PKIB: variants seen among roughly 807,000 people sequenced by gnomAD.
PKIB encodes PKI-beta.
A neutral mutation model predicts 4.5 loss-of-function variants in PKIB; 2 were observed. The observed-to-expected ratio is 0.44, with a 90% CI of 0.18 to 1.39. The LOEUF (loss-of-function observed/expected upper bound fraction) is 1.39, where lower values mean the gene tolerates loss of function less well. Among genes scored for constraint, PKIB ranks in the 40% most tolerant of loss-of-function variants. The pLI, the probability that PKIB is intolerant of heterozygous loss-of-function variation, is 0.27. For missense variants in PKIB, 94 were observed against 92.6 expected (o/e 1.02, Z -0.06); for synonymous variants, 38 against 36.0 (o/e 1.06, Z -0.20).
intron 2 of PKIB, among the ~76,000 whole-genome samples, chr6:122,674,220 A>G (rs1234733821): frequency 6.6e-6 from 1 of 152,186 alleles, no homozygotes; most frequent in African/African-American, 2.4e-5. Flanking sequence ...ATAAGGGTTA[A>G]TTGTAGAATG....
chr6:122,705,564 C>CTTTTT (rs142542177), intron 3 of PKIB, among the ~76,000 whole-genome samples: 53 of 113,388 alleles, frequency 4.7e-4, no homozygotes, highest in East Asian at 2.2e-3. Flanking sequence ...GAAAGCGCAT[C>CTTTTT]TTTTTTTTTT....
At chr6:122,579,945 A>G (rs1265514691) in intron 2 of PKIB, among the ~76,000 whole-genome samples, 1 of 152,200 alleles carries the variant, frequency 6.6e-6, no homozygotes, top group Non-Finnish European at 1.5e-5. Context: ...ATAGATACAT[A>G]TTGTAGTTAG....
intron 2 of PKIB, among the ~76,000 whole-genome samples, chr6:122,525,136 G>A (rs1480673872): frequency 6.6e-6 from 1 of 151,226 alleles, no homozygotes; most frequent in Non-Finnish European, 1.5e-5. Flanking sequence ...CATAAATTTT[G>A]GTATGTTGTA....
intron 2 of PKIB, among the ~76,000 whole-genome samples, chr6:122,534,608 C>T (rs1490382623): frequency 1.3e-5 from 2 of 152,114 alleles, no homozygotes; most frequent in East Asian, 3.9e-4. Context: ...AAAAGACTTA[C>T]ACTGGTTCAT....
chr6:122,622,758 A>T (rs1424276426), intron 1 of PKIB, among the ~76,000 whole-genome samples: 1 of 152,220 alleles, frequency 6.6e-6, no homozygotes, highest in African/African-American at 2.4e-5. Flanking sequence ...GGTGCCAAAC[A>T]TCCCCACAGG....
At chr6:122,657,188 A>G (rs1776806178) in intron 2 of PKIB, among the ~76,000 whole-genome samples, 1 of 152,312 alleles carries the variant, frequency 6.6e-6, no homozygotes, top group Non-Finnish European at 1.5e-5. Context: ...CCAGTTGTTC[A>G]ATAAACATTT....
intron 3 of PKIB, among the ~76,000 whole-genome samples, chr6:122,690,915 G>GATATATATATATATAT (rs55770226): frequency 1.2e-5 from 1 of 84,938 alleles, no homozygotes; most frequent in African/African-American, 3.6e-5. Flanking sequence ...ATGCTTGAAG[G>GATATATATATATATAT]ATATATATAT....
chr6:122,505,946 A>G (rs1263542554), intron 2 of PKIB, among the ~76,000 whole-genome samples: 1 of 152,102 alleles, frequency 6.6e-6, no homozygotes, highest in East Asian at 1.9e-4. Flanking sequence ...TCAATTATTG[A>G]CATATTTTGT....
At chr6:122,683,509 A>G (rs539167363) in intron 3 of PKIB, among the ~76,000 whole-genome samples, 12 of 152,302 alleles carry the variant, frequency 7.9e-5, no homozygotes, top group Admixed American at 6.5e-4. Flanking sequence ...ATTGAGGATT[A>G]CAATTCAGCA....
chr6:122,520,671 C>CG (rs1343209770), intron 2 of PKIB, among the ~76,000 whole-genome samples: 1 of 129,706 alleles, frequency 7.7e-6, no homozygotes, highest in Admixed American at 8.2e-5. Flanking sequence ...TCCCACCCCC[C>CG]CCCCACCAAA....
At chr6:122,712,017 CAA>C (rs1180809431) in intron 3 of PKIB, among the ~76,000 whole-genome samples, 2 of 152,000 alleles carry the variant, frequency 1.3e-5, no homozygotes, top group East Asian at 3.9e-4. Flanking sequence ...TGAAAAATTT[CAA>C]AGACAGGAAA....
chr6:122,545,574 C>G (rs72962423), intron 2 of PKIB, among the ~76,000 whole-genome samples: 16,358 of 149,718 alleles, frequency 0.11, 1,007 homozygotes, highest in East Asian at 0.22. Context: ...AGGTAGTTTT[C>G]CAGTCTTCAT....
chr6:122,618,542 T>C (rs1178979222), intron 1 of PKIB, among the ~76,000 whole-genome samples: 3 of 152,120 alleles, frequency 2.0e-5, no homozygotes, highest in Non-Finnish European at 4.4e-5. Context: ...AAGGTCTATT[T>C]ATATTTGATT....
At chr6:122,717,629 G>A in intron 3 of PKIB, 158 bp from the exon 4 acceptor site, 1 of 698,090 alleles carries the variant, frequency 1.4e-6, no homozygotes, top group South Asian at 2.1e-5. Context: ...GCAAATGGAT[G>A]CTGCAGGACC....
intron 2 of PKIB, among the ~76,000 whole-genome samples, chr6:122,545,388 A>G (rs1772461412): frequency 6.6e-6 from 1 of 151,978 alleles, no homozygotes; most frequent in Non-Finnish European, 1.5e-5. Context: ...TAATGCAGCA[A>G]CAGACAACCA....
intron 2 of PKIB, among the ~76,000 whole-genome samples, chr6:122,648,675 A>G (rs1030565248): frequency 1.3e-5 from 2 of 152,236 alleles, no homozygotes; most frequent in African/African-American, 2.4e-5. Flanking sequence ...CAGAAACTTT[A>G]CATGAGGGAG....
At chr6:122,576,941 A>G (rs892005872) in intron 2 of PKIB, among the ~76,000 whole-genome samples, 4 of 152,032 alleles carry the variant, frequency 2.6e-5, no homozygotes, top group Non-Finnish European at 5.9e-5. Context: ...GTGGATCTAA[A>G]GAATTCCTAG....
At chr6:122,696,338 G>A (rs1193451292) in intron 3 of PKIB, among the ~76,000 whole-genome samples, 3 of 152,182 alleles carry the variant, frequency 2.0e-5, no homozygotes, top group Non-Finnish European at 2.9e-5. Flanking sequence ...GAAGAATTCA[G>A]GATGTAATGA....
At chr6:122,722,976 G>A (rs1029344809) in intron 4 of PKIB, among the ~76,000 whole-genome samples, 56 of 152,128 alleles carry the variant, frequency 3.7e-4, no homozygotes, top group African/African-American at 1.1e-3. Context: ...CCTCTTGCAC[G>A]ATCTCTTAGT....
Sources: allele counts gnomAD v4.1 joint callset (sites outside exome capture counted in the v4.1 genomes callset), GRCh38; gene constraint gnomAD v4.1.1; transcripts MANE v1.5; gene names NCBI Gene and HGNC (gene_info 2026-07-23, HGNC 2026-07-21).